VAV3: variants seen among roughly 807,000 people sequenced by gnomAD.
VAV3 encodes guanine nucleotide exchange factor VAV3.
Under a neutral mutation model 131.2 loss-of-function variants are expected in VAV3, and 94 were observed. That is an observed-to-expected ratio of 0.72 (90% CI 0.61 to 0.85). VAV3 has a LOEUF of 0.85. Among genes scored for constraint, VAV3 ranks in the 40% least tolerant of loss-of-function variants. The probability of loss-of-function intolerance (pLI) is 0.00; values close to 1 mark genes in which losing one functional copy is unlikely to be tolerated. For missense variants in VAV3, 939 were observed against 1,002.7 expected, an observed-to-expected ratio of 0.94 and a Z score of 0.86; for synonymous variants, 349 against 342.0, an observed-to-expected ratio of 1.02 and a Z score of -0.22.
intron 2 of VAV3, among the ~76,000 whole-genome samples, chr1:107,791,924 C>T (rs1482531889): frequency 2.6e-5 from 4 of 152,152 alleles, no homozygotes; most frequent in Non-Finnish European, 5.9e-5. Flanking sequence ...AAAGTGACTT[C>T]TAGGAGGATG....
intron 1 of VAV3, among the ~76,000 whole-genome samples, chr1:107,889,973 T>C (rs1330156916): frequency 6.6e-6 from 1 of 152,244 alleles, no homozygotes; most frequent in Non-Finnish European, 1.5e-5. Context: ...AGATAATCTA[T>C]CCTTTTTCTT....
chr1:107,894,296 A>G (rs1671464631), intron 1 of VAV3, among the ~76,000 whole-genome samples: 1 of 152,208 alleles, frequency 6.6e-6, no homozygotes. Flanking sequence ...AAAGCTAGAT[A>G]AAAATGCAAT....
chr1:107,711,311 C>T (rs930559102), intron 15 of VAV3, among the ~76,000 whole-genome samples: 4 of 152,172 alleles, frequency 2.6e-5, no homozygotes, highest in Admixed American at 6.5e-5. Flanking sequence ...TCTTGAGACC[C>T]CGAGTGCAAA....
intron 1 of VAV3, among the ~76,000 whole-genome samples, chr1:107,956,804 C>T (rs1359141623): frequency 6.6e-6 from 1 of 152,050 alleles, no homozygotes; most frequent in African/African-American, 2.4e-5. Context: ...TCCTCCATTA[C>T]ATTCAGCAGC....
intron 21 of VAV3, among the ~76,000 whole-genome samples, chr1:107,614,286 T>A (rs1269487276): frequency 6.6e-6 from 1 of 152,068 alleles, no homozygotes; most frequent in Non-Finnish European, 1.5e-5. Context: ...ATATCAGAAT[T>A]TTTGAGGAGA....
intron 10 of VAV3, among the ~76,000 whole-genome samples, chr1:107,758,251 G>A (rs915733507): frequency 2.0e-5 from 3 of 151,974 alleles, no homozygotes; most frequent in African/African-American, 7.2e-5. Flanking sequence ...CCACTAATTA[G>A]GTTCAGATCC....
intron 25 of VAV3, among the ~76,000 whole-genome samples, chr1:107,574,959 T>TTCTC (rs200845787): frequency 0.045 from 6,285 of 140,228 alleles, 163 homozygotes; most frequent in African/African-American, 0.067. Flanking sequence ...AGAGTTGAGT[T>TTCTC]TCTCTGTGTG....
chr1:107,956,055 A>G (rs1240537193), intron 1 of VAV3, among the ~76,000 whole-genome samples: 1 of 152,256 alleles, frequency 6.6e-6, no homozygotes, highest in African/African-American at 2.4e-5. Flanking sequence ...GATGATGCAG[A>G]AGAGCATCGG....
At chr1:107,734,085 C>A (rs1265582165) in intron 15 of VAV3, among the ~76,000 whole-genome samples, 2 of 152,082 alleles carry the variant, frequency 1.3e-5, no homozygotes, top group South Asian at 2.1e-4. Flanking sequence ...AATTTTCAAC[C>A]CAGAATTTCA....
At chr1:107,958,195 A>G (rs1435662478) in intron 1 of VAV3, among the ~76,000 whole-genome samples, 1 of 152,214 alleles carries the variant, frequency 6.6e-6, no homozygotes, top group Non-Finnish European at 1.5e-5. Flanking sequence ...ATTCTGAATG[A>G]ACTGACTAAA....
intron 19 of VAV3, among the ~76,000 whole-genome samples, chr1:107,682,106 A>G (rs1658677133): frequency 6.6e-6 from 1 of 152,326 alleles, no homozygotes; most frequent in South Asian, 2.1e-4. Flanking sequence ...AAGGAGTATA[A>G]ATCTGTTTTA....
intron 25 of VAV3, chr1:107,576,474 G>C: frequency 6.7e-7 from 1 of 1,498,204 alleles, no homozygotes; most frequent in Non-Finnish European, 8.8e-7. Context: ...ACAAAGAGGG[G>C]GCTTTGAGAA....
intron 20 of VAV3, among the ~76,000 whole-genome samples, chr1:107,630,643 T>A (rs1654395641): frequency 6.6e-6 from 1 of 152,158 alleles, no homozygotes; most frequent in Admixed American, 6.5e-5. Context: ...AAGAGGTGCT[T>A]AAAAACTATG....
intron 3 of VAV3, among the ~76,000 whole-genome samples, chr1:107,778,426 CAT>C (rs1665492755): frequency 6.6e-6 from 1 of 151,922 alleles, no homozygotes; most frequent in Non-Finnish European, 1.5e-5. Flanking sequence ...CATATAATAA[CAT>C]AAAATATATA....
chr1:107,855,834 T>C (rs1465567428), intron 2 of VAV3, among the ~76,000 whole-genome samples: 1 of 152,178 alleles, frequency 6.6e-6, no homozygotes, highest in Admixed American at 6.5e-5. Context: ...CAGCTCTTCC[T>C]TTGTGTCAAC....
intron 1 of VAV3, among the ~76,000 whole-genome samples, chr1:107,889,535 GA>G (rs200046624): frequency 2.0e-5 from 3 of 147,210 alleles, no homozygotes; most frequent in African/African-American, 5.0e-5. Flanking sequence ...TCTTCCTACA[GA>G]AAAAAAAAAC....
At chr1:107,881,678 T>G (rs1048711617) in intron 1 of VAV3, among the ~76,000 whole-genome samples, 6 of 152,170 alleles carry the variant, frequency 3.9e-5, no homozygotes, top group Non-Finnish European at 8.8e-5. Context: ...TCAATATCAA[T>G]GCACATAACT....
intron 19 of VAV3, among the ~76,000 whole-genome samples, chr1:107,647,417 T>G (rs1178852813): frequency 6.6e-6 from 1 of 151,882 alleles, no homozygotes; most frequent in African/African-American, 2.4e-5. Flanking sequence ...CAGCATTCCA[T>G]AAGTGCTGGG....
At chr1:107,639,991 CT>C (rs1655220926) in intron 20 of VAV3, among the ~76,000 whole-genome samples, 1 of 151,338 alleles carries the variant, frequency 6.6e-6, no homozygotes, top group South Asian at 2.1e-4. Context: ...TAAGAGGCAC[CT>C]AAAACTCACA....
Sources: gnomAD v4.1 joint callset for allele counts (sites outside exome capture counted in the v4.1 genomes callset) on GRCh38, gnomAD v4.1.1 for gene constraint, MANE v1.5 for transcripts, NCBI Gene and HGNC (gene_info 2026-07-23, HGNC 2026-07-21) for gene names.